The following RPS6KA2 variants were observed in gnomAD, a reference collection of about 807,000 sequenced individuals.
RPS6KA2 encodes ribosomal protein S6 kinase alpha-2.
Under a neutral mutation model 91.8 loss-of-function variants are expected in RPS6KA2, and 42 were observed. The observed-to-expected ratio is 0.46, with a 90% CI of 0.36 to 0.59. The LOEUF (loss-of-function observed/expected upper bound fraction) is 0.59, where lower values mean the gene tolerates loss of function less well. Among genes scored for constraint, RPS6KA2 ranks in the 20% least tolerant of loss-of-function variants. RPS6KA2 has a pLI of 0.00. For missense variants in RPS6KA2, 798 were observed against 978.5 expected (o/e 0.82, Z 2.46); for synonymous variants, 414 against 393.6 (o/e 1.05, Z -0.61).
chr6:166,510,562 TATATATA>T (rs1268060519), intron 3 of RPS6KA2, among the ~76,000 whole-genome samples: 104 of 12,584 alleles, frequency 8.3e-3, no homozygotes, highest in Non-Finnish European at 0.016. Context: ...CTCATATATA[TATATATA>T]TATATATATA....
chr6:166,506,033 G>T (rs1782210198), intron 5 of RPS6KA2, among the ~76,000 whole-genome samples: 1 of 152,178 alleles, frequency 6.6e-6, no homozygotes, highest in Admixed American at 6.5e-5. Context: ...ACACCTCACG[G>T]TGTGAGTTCT....
At chr6:166,629,769 C>A (rs535732548), upstream of RPS6KA2, among the ~76,000 whole-genome samples, 97 of 152,272 alleles carry the variant, frequency 6.4e-4, no homozygotes, top group African/African-American at 2.2e-3. Context: ...TTTCCTCTGA[C>A]TCAAGCACAG....
chr6:166,540,367 A>C (rs1783615722), intron 1 of RPS6KA2, among the ~76,000 whole-genome samples: 1 of 152,256 alleles, frequency 6.6e-6, no homozygotes, highest in South Asian at 2.1e-4. Context: ...GCAGTTATCC[A>C]TGGCTTTTCC....
intron 2 of RPS6KA2, chr6:166,702,741 G>A (rs1032500515): frequency 2.4e-6 from 3 of 1,243,942 alleles, no homozygotes; most frequent in South Asian, 2.4e-5. Flanking sequence ...TCTTCACCAG[G>A]AAGGGTCCCG....
chr6:166,688,931 A>G (rs1789106854), intron 2 of RPS6KA2, among the ~76,000 whole-genome samples: 1 of 152,280 alleles, frequency 6.6e-6, no homozygotes, highest in Admixed American at 6.5e-5. Context: ...TGCCCTCACC[A>G]TGCACAGCCT....
At chr6:166,815,152 A>G (rs1779731844) in intron 2 of RPS6KA2, among the ~76,000 whole-genome samples, 1 of 152,262 alleles carries the variant, frequency 6.6e-6, no homozygotes, top group Non-Finnish European at 1.5e-5. Flanking sequence ...ATGACCGATT[A>G]AAGAAACTAA....
chr6:166,684,967 C>T (rs917687253), intron 2 of RPS6KA2, among the ~76,000 whole-genome samples: 8 of 152,360 alleles, frequency 5.3e-5, no homozygotes, highest in African/African-American at 1.4e-4. Context: ...CTTGAGAGAG[C>T]GTGGTACTGG....
intron 2 of RPS6KA2, among the ~76,000 whole-genome samples, chr6:166,667,533 G>A (rs1460369318): frequency 6.6e-6 from 1 of 152,212 alleles, no homozygotes; most frequent in Non-Finnish European, 1.5e-5. Flanking sequence ...TAGATGAGAT[G>A]TACAGGCCGG....
rs1380582551 is a variant in RPS6KA2 at position 166,434,001 on chromosome 6, C to T, written c.1333-1511G>A. Among the ~76,000 whole-genome samples, 1 of 152,180 alleles carries T rather than the reference C, an allele frequency of 6.6e-6. No homozygotes were observed. The highest frequency in any genetic ancestry group is 1.5e-5 in the Non-Finnish European group (1 of 68,038). On this transcript the variant is annotated intron_variant, in intron 14 of 20. Transcript: ENST00000265678. The surrounding 1 kb of genome is among the most constrained non-coding windows in gnomAD (Gnocchi z 4.4). ...TCTCTAACTCCTGGCTTCAAGTGATCCTCCTGCCTCAGCCTCCCAAAGTGC... is the reference window on the plus strand; with the variant it reads ...TCTCTAACTCCTGGCTTCAAGTGATTCTCCTGCCTCAGCCTCCCAAAGTGC...
chr6:166,539,551 AG>A (rs1783588631), intron 1 of RPS6KA2, among the ~76,000 whole-genome samples: 1 of 152,224 alleles, frequency 6.6e-6, no homozygotes, highest in Admixed American at 6.5e-5. Context: ...GCTAATGTAA[AG>A]AACACGTCAT....
At chr6:166,476,751 G>A (rs560363354) in intron 10 of RPS6KA2, among the ~76,000 whole-genome samples, 1 of 152,238 alleles carries the variant, frequency 6.6e-6, no homozygotes, top group Admixed American at 6.5e-5. Flanking sequence ...GGGAGGCAAT[G>A]AAGACGCATT....
At chr6:166,764,880 A>G (rs1369432164) in intron 2 of RPS6KA2, among the ~76,000 whole-genome samples, 1 of 151,394 alleles carries the variant, frequency 6.6e-6, no homozygotes, top group East Asian at 1.9e-4. Context: ...GTTCACACAC[A>G]TGTGTATCAA....
chr6:166,768,586 TTAA>T (rs1778384133), intron 2 of RPS6KA2, among the ~76,000 whole-genome samples: 1 of 152,088 alleles, frequency 6.6e-6, no homozygotes, highest in African/African-American at 2.4e-5. Flanking sequence ...GTAGAGTCTT[TTAA>T]AAAATATGTA....
At chr6:166,745,145 G>A (rs534509967) in intron 2 of RPS6KA2, among the ~76,000 whole-genome samples, 17 of 144,146 alleles carry the variant, frequency 1.2e-4, no homozygotes, top group African/African-American at 4.0e-4. Flanking sequence ...TGTCCTAATC[G>A]GCCTTTTTTT....
chr6:166,568,425 C>G (rs1388326023), intron 1 of RPS6KA2, among the ~76,000 whole-genome samples: 1 of 151,908 alleles, frequency 6.6e-6, no homozygotes. Context: ...ACCAGCCTGG[C>G]CAACATGGCA....
chr6:166,696,548 G>A (rs965989427), intron 2 of RPS6KA2, among the ~76,000 whole-genome samples: 4 of 151,996 alleles, frequency 2.6e-5, no homozygotes, highest in East Asian at 3.9e-4. Context: ...TTCCTTAACC[G>A]AGCAAATGTT....
chr6:166,848,933 T>A (rs929265266), intron 2 of RPS6KA2, among the ~76,000 whole-genome samples: 17 of 152,038 alleles, frequency 1.1e-4, no homozygotes, highest in African/African-American at 3.1e-4. Flanking sequence ...AAATTAATTT[T>A]AAAAATATAT....
intron 2 of RPS6KA2, among the ~76,000 whole-genome samples, chr6:166,750,957 A>G (rs990534216): frequency 2.0e-5 from 3 of 152,136 alleles, no homozygotes; most frequent in African/African-American, 7.2e-5. Flanking sequence ...GACAAATTCT[A>G]TTTGCCTAAA....
rs1389826493 is a variant in RPS6KA2, at chr6:166,728,492, T to G, written c.123+129708A>C. Reference sequence around the variant, plus strand: ...CTTCTCTCTTCCAGTTTGGGCCCCTTTACTCTGGTCTCTGAGCCACGTTTC... The same window carrying G: ...CTTCTCTCTTCCAGTTTGGGCCCCTGTACTCTGGTCTCTGAGCCACGTTTC... On this transcript the variant is annotated intron_variant, in intron 2 of 21. Transcript: ENST00000503859. Among the ~76,000 whole-genome samples, 3 of 152,114 alleles carry G rather than the reference T, an allele frequency of 2.0e-5. No homozygotes were observed. The East Asian group carries it at 5.8e-4, about 29-fold the overall frequency.
Sources: gnomAD v4.1 joint callset for allele counts (sites outside exome capture counted in the v4.1 genomes callset) on GRCh38, gnomAD v4.1.1 for gene constraint, Gnocchi (gnomAD v3.1) non-coding constraint, MANE v1.5 for transcripts, NCBI Gene and HGNC (gene_info 2026-07-23, HGNC 2026-07-21) for gene names.